Variants in PCNX4 observed in about 807,000 individuals in gnomAD.
PCNX4 encodes the protein pecanex 4.
In PCNX4, 103 loss-of-function variants were observed where a neutral mutation model predicts 107.2. The observed-to-expected ratio is 0.96, with a 90% CI of 0.82 to 1.13. PCNX4 has a LOEUF of 1.13. Among genes scored for constraint, PCNX4 ranks in the 50% most tolerant of loss-of-function variants. The probability of loss-of-function intolerance (pLI) is 0.00; values close to 1 mark genes in which losing one functional copy is unlikely to be tolerated. For synonymous variants in PCNX4, 541 were observed against 481.7 expected (o/e 1.12, Z -1.61); for missense variants, 1,528 against 1,379.4 (o/e 1.11, Z -1.71).
intron 1 of PCNX4, among the ~76,000 whole-genome samples, chr14:60,098,310 G>A (rs1404305179): frequency 6.6e-6 from 1 of 152,120 alleles, no homozygotes; most frequent in Non-Finnish European, 1.5e-5. Flanking sequence ...AATACTGTAA[G>A]TCTGTAAGAG....
At chr14:60,114,356 C>T (rs1895798357) in intron 2 of PCNX4, among the ~76,000 whole-genome samples, 1 of 152,204 alleles carries the variant, frequency 6.6e-6, no homozygotes, top group Admixed American at 6.5e-5. Context: ...TGTTTTTGCT[C>T]TGGCCTCAGT....
intron 10 of PCNX4, 33 bp downstream of exon 10, chr14:60,125,856 C>G: frequency 7.0e-7 from 1 of 1,418,958 alleles, no homozygotes; most frequent in South Asian, 1.4e-5. Context: ...CTTACATATA[C>G]TAACCTTAAA....
In PCNX4 at chr14:60,107,865, C is replaced by T. The variant is rs1895659118; in HGVS notation, c.227C>T (p.Ser76Leu). The T allele has an allele frequency of 1.2e-6, 2 of 1,612,846 alleles. No individual in the cohort carries two copies. The highest frequency in any genetic ancestry group is 8.5e-7 in the Non-Finnish European group (1 of 1,179,876). Residue 76 changes from serine to leucine, a missense_variant, in exon 2 of 11, where the codon TCA (serine) becomes TTA (leucine). By Grantham distance (145) the Ser-to-Leu change is moderately radical. Coordinates refer to ENST00000406854, the MANE Select transcript of PCNX4 (RefSeq NM_001330177.2). Reference sequence around the variant, plus strand: ...AAAGACTATTATACAGCAGCACTTTCAGGTGGATTAATGCTTTTTACTGCA... The same window carrying T: ...AAAGACTATTATACAGCAGCACTTTTAGGTGGATTAATGCTTTTTACTGCA... Reference protein sequence around the residue: ...ILKDYYTAALSGGLMLFTAFV... With the variant: ...ILKDYYTAALLGGLMLFTAFV...
At chr14:60,112,480 C>T (rs913688456) in intron 2 of PCNX4, among the ~76,000 whole-genome samples, 2 of 151,934 alleles carry the variant, frequency 1.3e-5, no homozygotes, top group African/African-American at 4.8e-5. Flanking sequence ...AATAATGATC[C>T]ATTTGGAGCT....
At chr14:60,129,390 CA>C (rs950105687) in intron 10 of PCNX4, among the ~76,000 whole-genome samples, 41 of 152,074 alleles carry the variant, frequency 2.7e-4, no homozygotes, top group Middle Eastern at 3.4e-3. Context: ...CCCATCTCTA[CA>C]AAAAATAAAA....
chr14:60,112,502 A>G (rs1454948381), intron 2 of PCNX4, among the ~76,000 whole-genome samples: 4 of 152,238 alleles, frequency 2.6e-5, no homozygotes, highest in South Asian at 2.1e-4. Flanking sequence ...AGTCCTATAT[A>G]CAGGAGAATA....
chr14:60,099,273 A>C (rs1895486223), intron 1 of PCNX4, among the ~76,000 whole-genome samples: 1 of 152,202 alleles, frequency 6.6e-6, no homozygotes, highest in South Asian at 2.1e-4. Context: ...CCAAATTACT[A>C]AATTTGGTAA....
At position 60,114,736 on chromosome 14, in the gene PCNX4, T is replaced by G; in HGVS notation, c.726T>G (p.Asn242Lys). Residue 242 changes from asparagine to lysine, a missense_variant, in exon 3 of 11, where the codon AAT becomes AAG. By Grantham distance (94) the Asn-to-Lys change is moderately conservative (BLOSUM62 0). Coordinates refer to ENST00000406854, the MANE Select transcript of PCNX4 (RefSeq NM_001330177.2). ...ATATGCCAGCTCTAGAACACATGAA[T>G]CAGATTTTACACATCTTGTTTGTAT... Reference protein sequence around the residue: ...VVNMPALEHMNQILHILFVFL... With the variant: ...VVNMPALEHMKQILHILFVFL... 1 of 1,613,780 alleles carries G rather than the reference T, an allele frequency of 6.2e-7. No individual in the cohort carries two copies. Among genetic ancestry groups the G allele is most frequent in the Non-Finnish European group, 8.5e-7 (1 of 1,179,768 alleles).
intron 6 of PCNX4, among the ~76,000 whole-genome samples, chr14:60,117,757 A>C (rs550605625): frequency 9.8e-5 from 15 of 152,344 alleles, no homozygotes; most frequent in African/African-American, 3.4e-4. Flanking sequence ...TGGTCCCCTA[A>C]AATGAGTTAG....
chr14:60,114,267 A>G (rs1895794527), intron 2 of PCNX4, among the ~76,000 whole-genome samples: 1 of 152,186 alleles, frequency 6.6e-6, no homozygotes, highest in Non-Finnish European at 1.5e-5. Context: ...TGAAATTTTA[A>G]ATTATAAAAT....
At position 60,121,184 on chromosome 14, in the gene PCNX4, A is replaced by G. The variant is rs753886642; in HGVS notation, c.1943-12A>G. On this transcript the variant is annotated splice_polypyrimidine_tract_variant and intron_variant, in intron 7 of 10. Transcript: ENST00000406854. ...TTCTTTTTTTTTTTTTTTTTTTTCT[A>G]ATTTGTTGTAGGTCTCCTCCTACCT... The G allele has an allele frequency of 3.8e-5, 44 of 1,145,198 alleles. No individual in the cohort carries two copies. Among genetic ancestry groups the G allele is most frequent in the South Asian group, 1.9e-4 (8 of 42,830 alleles). 70.9% of individuals were successfully genotyped at this position (1,145,198 alleles called of 1,614,324 possible). A position where few individuals can be genotyped will look rare whatever the true frequency, so the allele number is the denominator to read the frequency against.
Position 60,147,346 on chromosome 14 carries a change from T to C in PCNX4, c.*13125T>C, listed in dbSNP as rs1896433418. 1 of 152,214 alleles carries C rather than the reference T, an allele frequency of 6.6e-6. No individual in the cohort carries two copies. Among genetic ancestry groups the C allele is most frequent in the African/African-American group, 2.4e-5 (1 of 41,450 alleles). The allele number at this position is 152,214 out of a possible 1,614,324, so 9.4% of individuals were successfully genotyped here. Reference sequence around the variant, plus strand: ...GCATGGTGACTACAGTTAATAATACTGTATAGCATATTTGAAATTTGCTAA... The same window carrying C: ...GCATGGTGACTACAGTTAATAATACCGTATAGCATATTTGAAATTTGCTAA... On this transcript the variant is annotated 3_prime_UTR_variant, in exon 11 of 11. Coordinates refer to ENST00000406854, the MANE Select transcript of PCNX4 (RefSeq NM_001330177.2).
Position 60,145,807 on chromosome 14 carries a change from CTT to C in PCNX4, c.*11588_*11589del, listed in dbSNP as rs1010396995. 1 of 152,164 alleles carries C rather than the reference CTT, an allele frequency of 6.6e-6. No individual in the cohort carries two copies. Among genetic ancestry groups the C allele is most frequent in the Admixed American group, 6.5e-5 (1 of 15,270 alleles). The allele number at this position is 152,164 out of a possible 1,614,324, so 9.4% of individuals were successfully genotyped here. On this transcript the variant is annotated 3_prime_UTR_variant, in exon 11 of 11. Coordinates refer to ENST00000406854, the MANE Select transcript of PCNX4 (RefSeq NM_001330177.2). This position sits in a 1 kb window ranked among gnomAD's most constrained non-coding sequence, Gnocchi z 4.0. ...AGATATGCATTTACCACTTTCAAAA[CTT>C]TGCACTAAGAAAGACAAAATAATAA... is the stretch of plus-strand genomic sequence containing the variant.
rs1430052337 is a variant in PCNX4 at position 60,137,769 on chromosome 14, T to C, written c.*3548T>C. On this transcript the variant is annotated 3_prime_UTR_variant, in exon 11 of 11. Transcript: ENST00000406854. ...AAGAATCAATCAACAAGTCCCCAAC[T>C]TAAAAGTACATTAATCAAGTTTAAG... 6.6e-6 allele frequency: 1 copy of C among 152,062 alleles called. No homozygotes were observed. Among genetic ancestry groups the C allele is most frequent in the Non-Finnish European group, 1.5e-5 (1 of 68,016 alleles). 9.4% of individuals were successfully genotyped at this position (152,062 alleles called of 1,614,324 possible).
chr14:60,103,819 A>G (rs993239888), intron 1 of PCNX4, among the ~76,000 whole-genome samples: 2 of 152,190 alleles, frequency 1.3e-5, no homozygotes, highest in Non-Finnish European at 2.9e-5. Context: ...AAACACAGCC[A>G]TATTTCTCCC....
chr14:60,118,313 T>G lies in PCNX4; in HGVS notation c.1579-16T>G. Reference sequence around the variant, plus strand: ...TCTTCTAAGGATAAATAAAAATAATTTTTACATTTCTACAGGTTGGTATCA... The same window carrying G: ...TCTTCTAAGGATAAATAAAAATAATGTTTACATTTCTACAGGTTGGTATCA... On this transcript the variant is annotated splice_polypyrimidine_tract_variant and intron_variant, in intron 6 of 10. Transcript: ENST00000406854. 6.5e-7 allele frequency: 1 copy of G among 1,548,282 alleles called. No homozygotes were observed. Among genetic ancestry groups the G allele is most frequent in the Non-Finnish European group, 8.7e-7 (1 of 1,147,450 alleles).
At chr14:60,116,620 A>G (rs1303347324) in intron 6 of PCNX4, among the ~76,000 whole-genome samples, 5 of 152,188 alleles carry the variant, frequency 3.3e-5, no homozygotes, top group African/African-American at 9.7e-5. Context: ...TGTGTACAGT[A>G]TGCAGTACTT....
chr14:60,112,363 T>C, intron 2 of PCNX4, among the ~76,000 whole-genome samples: 1 of 150,520 alleles, frequency 6.6e-6, no homozygotes, highest in South Asian at 2.1e-4. Flanking sequence ...AAAACTGAGA[T>C]TTTTTTTTAC....
chr14:60,116,287 A>G (rs1198592479), intron 6 of PCNX4, among the ~76,000 whole-genome samples: 2 of 152,052 alleles, frequency 1.3e-5, no homozygotes, highest in African/African-American at 4.8e-5. Context: ...GTCTTTATGG[A>G]TTTGCATATT....
Sources: allele counts gnomAD v4.1 joint callset (sites outside exome capture counted in the v4.1 genomes callset), GRCh38; gene constraint gnomAD v4.1.1; non-coding constraint Gnocchi (gnomAD v3.1); transcripts MANE v1.5; gene names NCBI Gene and HGNC (gene_info 2026-07-23, HGNC 2026-07-21).